MACROD2: variants seen among roughly 807,000 people sequenced by gnomAD.
The protein encoded by MACROD2 is mono-ADP ribosylhydrolase 2, also known as ADP-ribose glycohydrolase MACROD2.
Under a neutral mutation model 70.4 loss-of-function variants are expected in MACROD2, and 36 were observed. The observed-to-expected ratio is 0.51, with a 90% CI of 0.39 to 0.68. The LOEUF is 0.68. Among genes scored for constraint, MACROD2 ranks in the 30% least tolerant of loss-of-function variants. The pLI, the probability that MACROD2 is intolerant of heterozygous loss-of-function variation, is 0.00. For missense variants in MACROD2, 496 were observed against 538.4 expected, an observed-to-expected ratio of 0.92 and a Z score of 0.78; for synonymous variants, 172 against 178.8, an observed-to-expected ratio of 0.96 and a Z score of 0.30.
intron 3 of MACROD2, among the ~76,000 whole-genome samples, chr20:14,341,925 T>A (rs1384412599): frequency 6.6e-6 from 1 of 152,194 alleles, no homozygotes; most frequent in Admixed American, 6.5e-5. Flanking sequence ...CTATATACAG[T>A]GGACCTTTGG....
chr20:15,636,093 GAAAGA>G (rs1333800449), intron 8 of MACROD2, among the ~76,000 whole-genome samples: 31 of 64,858 alleles, frequency 4.8e-4, no homozygotes, highest in Admixed American at 1.2e-3. Context: ...AAAAAAAAAA[GAAAGA>G]AAAGAAAAGA....
chr20:14,023,475 A>C (rs576306941), intron 2 of MACROD2, among the ~76,000 whole-genome samples: 96 of 152,326 alleles, frequency 6.3e-4, no homozygotes, highest in Admixed American at 5.9e-3. Context: ...GCCTTTGCCC[A>C]TGCCTATGTC....
At chr20:14,501,973 G>T (rs1202714088) in intron 4 of MACROD2, among the ~76,000 whole-genome samples, 1 of 152,120 alleles carries the variant, frequency 6.6e-6, no homozygotes, top group Non-Finnish European at 1.5e-5. Context: ...TGCTTGTGTA[G>T]CTTATCTACT....
chr20:14,855,161 C>T (rs1390614435), intron 5 of MACROD2, among the ~76,000 whole-genome samples: 1 of 152,100 alleles, frequency 6.6e-6, no homozygotes, highest in East Asian at 1.9e-4. Context: ...TTGATAATAA[C>T]GTGTACATTT....
At position 14,963,035 on chromosome 20, in the gene MACROD2, C is replaced by T. The variant is rs778648868; in HGVS notation, c.419-266905C>T. On this transcript the variant is annotated intron_variant, in intron 5 of 17. Coordinates refer to ENST00000684519, the MANE Select transcript of MACROD2 (RefSeq NM_001351661.2). ...AAATTTTTAAGATAGTTTAGGACTC[C>T]GATAACTATTATGTCTTAGCTAGTG... is the stretch of plus-strand genomic sequence containing the variant. 9.2e-5 allele frequency among the ~76,000 whole-genome samples: 14 copies of T among 152,094 alleles called. 1 individual carries two copies. The South Asian group carries it at 1.5e-3, about 16-fold the overall frequency.
chr20:14,473,955 GA>G (rs2084560019), intron 3 of MACROD2, among the ~76,000 whole-genome samples: 1 of 152,038 alleles, frequency 6.6e-6, no homozygotes, highest in African/African-American at 2.4e-5. Context: ...CTTCTTTTGG[GA>G]AATGCTTCTT....
chr20:15,851,352 C>T (rs981148665), intron 8 of MACROD2, among the ~76,000 whole-genome samples: 2 of 151,820 alleles, frequency 1.3e-5, no homozygotes, highest in Non-Finnish European at 2.9e-5. Flanking sequence ...GCTTAAATAA[C>T]AGAAATTTAT....
chr20:14,482,655 G>C (rs988222812), intron 3 of MACROD2, among the ~76,000 whole-genome samples: 6 of 150,688 alleles, frequency 4.0e-5, no homozygotes, highest in African/African-American at 1.5e-4. Flanking sequence ...GTGTAGATTG[G>C]AAAAAGAAGA....
At chr20:14,112,886 A>G (rs1207718231) in intron 3 of MACROD2, among the ~76,000 whole-genome samples, 1 of 151,968 alleles carries the variant, frequency 6.6e-6, no homozygotes, top group African/African-American at 2.4e-5. Flanking sequence ...ATATAAATCT[A>G]TACAACTTTA....
chr20:14,215,687 T>C (rs996238104), intron 3 of MACROD2, among the ~76,000 whole-genome samples: 1 of 152,162 alleles, frequency 6.6e-6, no homozygotes, highest in Admixed American at 6.6e-5. Context: ...TTTTGTGATT[T>C]TTTTGATTAT....
intron 5 of MACROD2, among the ~76,000 whole-genome samples, chr20:14,961,568 C>A (rs749284579): frequency 5.3e-5 from 8 of 152,036 alleles, no homozygotes; most frequent in Non-Finnish European, 1.0e-4. Context: ...TGCTCTGCCA[C>A]CAAGGCTGGA....
At chr20:14,328,426 A>C (rs1358891044) in intron 3 of MACROD2, among the ~76,000 whole-genome samples, 1 of 152,084 alleles carries the variant, frequency 6.6e-6, no homozygotes, top group Admixed American at 6.6e-5. Flanking sequence ...TATTTCTTTG[A>C]ATTCTAACCT....
chr20:14,919,198 A>C (rs1442802553), intron 5 of MACROD2, among the ~76,000 whole-genome samples: 1 of 152,172 alleles, frequency 6.6e-6, no homozygotes, highest in Non-Finnish European at 1.5e-5. Flanking sequence ...TTGCTGGGAA[A>C]GTAAAAGTTC....
chr20:14,995,390 T>C (rs2074940750), intron 5 of MACROD2, among the ~76,000 whole-genome samples: 1 of 151,932 alleles, frequency 6.6e-6, no homozygotes, highest in Non-Finnish European at 1.5e-5. Context: ...TAAATAGCCA[T>C]ATGGGTCAGG....
At chr20:15,233,292 A>C (rs1482390372) in intron 6 of MACROD2, among the ~76,000 whole-genome samples, 1 of 152,156 alleles carries the variant, frequency 6.6e-6, no homozygotes, top group Non-Finnish European at 1.5e-5. Flanking sequence ...ATTACTTTTC[A>C]TGTTGACAGG....
intron 8 of MACROD2, among the ~76,000 whole-genome samples, chr20:15,711,791 T>C (rs144715107): frequency 3.1e-4 from 47 of 152,370 alleles, no homozygotes; most frequent in Admixed American, 7.2e-4. Flanking sequence ...TTGAAGTTTC[T>C]TAGGTGAAAA....
chr20:15,566,293 G>A (rs2048309193), intron 8 of MACROD2, among the ~76,000 whole-genome samples: 1 of 151,636 alleles, frequency 6.6e-6, no homozygotes, highest in Admixed American at 6.6e-5. Context: ...AGACCAGCCT[G>A]GCCAACATGG....
chr20:14,811,556 C>T (rs532109508), intron 5 of MACROD2, among the ~76,000 whole-genome samples: 1 of 152,112 alleles, frequency 6.6e-6, no homozygotes, highest in Admixed American at 6.6e-5. Flanking sequence ...AAAGCAATGG[C>T]AACAAAAGCC....
At chr20:15,800,462 A>T (rs1337231055) in intron 8 of MACROD2, among the ~76,000 whole-genome samples, 2 of 152,134 alleles carry the variant, frequency 1.3e-5, no homozygotes, top group Non-Finnish European at 2.9e-5. Flanking sequence ...TAATTTTTGT[A>T]TAAGAGATAA....
Sources: allele counts gnomAD v4.1 joint callset (sites outside exome capture counted in the v4.1 genomes callset), GRCh38; gene constraint gnomAD v4.1.1; transcripts MANE v1.5; gene names NCBI Gene and HGNC (gene_info 2026-07-23, HGNC 2026-07-21).